The following PKP3 variants were observed in gnomAD, a reference collection of about 807,000 sequenced individuals.
PKP3 encodes the protein plakophilin 3.
A neutral mutation model predicts 76.5 loss-of-function variants in PKP3; 66 were observed. The observed-to-expected ratio is 0.86, with a 90% CI of 0.71 to 1.06. PKP3 has a LOEUF of 1.06. PKP3 is among the 50% of genes least tolerant of loss of function. The pLI is 0.00. For missense variants in PKP3, 1,338 were observed against 1,141.0 expected, an observed-to-expected ratio of 1.17 and a Z score of -2.49; for synonymous variants, 638 against 516.5, an observed-to-expected ratio of 1.24 and a Z score of -3.19.
chr11:400,492 C>A, intron 7 of PKP3, 41 bp downstream of exon 7: 1 of 1,510,854 alleles, frequency 6.6e-7, no homozygotes, highest in Non-Finnish European at 8.9e-7. Context: ...GCCCCCGGGC[C>A]GCCGCTCTGA....
intron 9 of PKP3, among the ~76,000 whole-genome samples, 171 bp from the exon 10 acceptor site, chr11:403,447 G>C (rs1204414002): frequency 6.6e-6 from 1 of 152,152 alleles, no homozygotes; most frequent in Non-Finnish European, 1.5e-5. Context: ...TGGGTTTGAA[G>C]GGAGGCACCT....
chr11:403,940 CA>C lies in PKP3; in HGVS notation c.2078-2del. The C allele has an allele frequency of 6.3e-7, 1 of 1,593,514 alleles. No individual in the cohort carries two copies. The highest frequency in any genetic ancestry group is 8.6e-7 in the Non-Finnish European group (1 of 1,167,984). On this transcript the variant is annotated splice_acceptor_variant, in intron 10 of 12. Transcript: ENST00000331563. LOFTEE classifies it high-confidence loss of function. ...GTGCAGACTGACCCCCGGCCTCCCA[CA>C]GCCACGAAGGTGGTGAGCCACCTGA... is the stretch of plus-strand genomic sequence containing the variant.
rs1361722069 is a variant in PKP3, at chr11:403,080, G to A, written c.1740G>A (p.Leu580=). 2.0e-6 allele frequency: 3 copies of A among 1,486,960 alleles called. No individual in the cohort carries two copies. Among genetic ancestry groups the A allele is most frequent in the East Asian group, 2.7e-5 (1 of 37,542 alleles). The allele number at this position is 1,486,960 out of a possible 1,614,324, so 92.1% of individuals were successfully genotyped here. A position where few individuals can be genotyped will look rare whatever the true frequency, so the allele number is the denominator to read the frequency against. ...CGACTCCTCCCCGCCCTGCGCAGCT[G>A]CCCCTCGCCGCCGATGCGCTCACCT... ...FTPQSRRLRE[L]PLAADALTFA... The change falls in exon 9 of 13, where the codon CTG becomes CTA. Residue 580 remains leucine, a splice_region_variant and synonymous_variant. Coordinates refer to ENST00000331563, the MANE Select transcript of PKP3 (RefSeq NM_007183.4).
In PKP3 at chr11:400,587, A is replaced by ACGAGATGCCG; in HGVS notation, c.1621_1630dup (p.Pro544ArgfsTer147). ...CGGAACCTGTCCTACCGCCTCTACGACGAGATGCCGCCGTCCGCGCTGCAG... is the reference window on the plus strand; with the variant it reads ...CGGAACCTGTCCTACCGCCTCTACGACGAGATGCCGCGAGATGCCGCCGTCCGCGCTGCAG... On this transcript the variant is annotated frameshift_variant, in exon 8 of 13. Coordinates refer to ENST00000331563, the MANE Select transcript of PKP3 (RefSeq NM_007183.4). LOFTEE classifies it high-confidence loss of function. 1.4e-6 allele frequency: 2 copies of ACGAGATGCCG among 1,473,484 alleles called. No homozygotes were observed. Among genetic ancestry groups the ACGAGATGCCG allele is most frequent in the Non-Finnish European group, 1.8e-6 (2 of 1,121,728 alleles). The allele number at this position is 1,473,484 out of a possible 1,614,324, so 91.3% of individuals were successfully genotyped here.
At chr11:397,773 T>C in intron 4 of PKP3, 111 bp downstream of exon 4, 1 of 1,092,934 alleles carries the variant, frequency 9.1e-7, no homozygotes, top group Non-Finnish European at 1.3e-6. Flanking sequence ...CCAAGCTGAC[T>C]GGGTAGACCC....
At chr11:394,014 G>A, upstream of PKP3, 3 of 418,010 alleles carry the variant, frequency 7.2e-6, no homozygotes, top group Non-Finnish European at 1.3e-5. Flanking sequence ...TTGTGGGATG[G>A]GAGAAAAGGA....
At chr11:400,869 ACCCGCCCCGCTCACC>A (rs1847148092) in intron 8 of PKP3, among the ~76,000 whole-genome samples, 164 bp downstream of exon 8, 1 of 8,668 alleles carries the variant, frequency 1.2e-4, no homozygotes. Context: ...CCCCGCTCAC[ACCCGCCCCGCTCACC>A]CCCGCCCCGC....
intron 5 of PKP3, 80 bp from the exon 6 acceptor site, chr11:399,887 C>G (rs935644826): frequency 1.3e-5 from 16 of 1,187,776 alleles, no homozygotes; most frequent in Non-Finnish European, 1.9e-5. Flanking sequence ...TGGGGAGAGG[C>G]GGGACCTCTT....
At position 397,339 on chromosome 11, in the gene PKP3, T is replaced by C. The variant is rs1216667514; in HGVS notation, c.838T>C (p.Ser280Pro). The change falls in exon 3 of 13, where the codon TCT (serine) becomes CCT (proline). Residue 280 changes from serine (S) to proline (P), a missense_variant. By Grantham distance (74) the Ser-to-Pro change is moderately conservative (BLOSUM62 -1). Transcript: ENST00000331563. ...CCTGGAGCCAGTGGCTCGAGCGCCATCTGTGCGCAGCCTCAGCCTCAGCCT... is the reference window on the plus strand; with the variant it reads ...CCTGGAGCCAGTGGCTCGAGCGCCACCTGTGCGCAGCCTCAGCCTCAGCCT... ...AVLEPVARAP[S>P]VRSLSLSLAD... 3 of 1,583,374 alleles carry C rather than the reference T, an allele frequency of 1.9e-6. No individual in the cohort carries two copies. The highest frequency in any genetic ancestry group is 2.6e-6 in the Non-Finnish European group (3 of 1,167,892).
Position 399,952 on chromosome 11 carries a change from T to C in PKP3, c.1274-15T>C, listed in dbSNP as rs1564880562. 1 of 1,583,416 alleles carries C rather than the reference T, an allele frequency of 6.3e-7. No homozygotes were observed. ...TGGAGGGCAGACGCTGATAGCAGCC[T>C]CCCCCGTCCTCCAGGGATCCTGTGG... On this transcript the variant is annotated splice_polypyrimidine_tract_variant and intron_variant, in intron 5 of 12. Coordinates refer to ENST00000331563, the MANE Select transcript of PKP3 (RefSeq NM_007183.4).
Position 404,042 on chromosome 11 carries a change from A to G in PKP3, c.2177A>G (p.Asn726Ser). 6.2e-7 allele frequency: 1 copy of G among 1,612,558 alleles called. No individual in the cohort carries two copies. The highest frequency in any genetic ancestry group is 8.5e-7 in the Non-Finnish European group (1 of 1,179,808). ...CTGGTCAACATCATAGCTGTGCTCA[A>G]CAACCTGGTGGTGGCCAGCCCCATC... Reference protein sequence around the residue: ...EVLVNIIAVLNNLVVASPIAA... With the variant: ...EVLVNIIAVLSNLVVASPIAA... The change falls in exon 11 of 13, where the codon AAC (asparagine) becomes AGC (serine). Residue 726 changes from asparagine to serine, a missense_variant. By Grantham distance (46) the Asn-to-Ser change is conservative. Coordinates refer to ENST00000331563, the MANE Select transcript of PKP3 (RefSeq NM_007183.4). The surrounding 1 kb of genome is among the most constrained non-coding windows in gnomAD (Gnocchi z 4.2).
rs533074372 is a variant in PKP3, at chr11:394,416, C to A, written c.124C>A (p.Arg42=). 2 of 1,469,872 alleles carry A rather than the reference C, an allele frequency of 1.4e-6. No individual in the cohort carries two copies. The highest frequency in any genetic ancestry group is 3.0e-5 in the African/African-American group (2 of 67,542). 91.1% of individuals were successfully genotyped at this position (1,469,872 alleles called of 1,614,324 possible). ...CGAGGGGCCGGAGGCCGAGCGGCTG[C>A]GGGCAGCCCGCGTCCAGGAGCAGGT... ...GAEGPEAERL[R]AARVQEQVRA... Residue 42 remains arginine, a synonymous_variant, in exon 1 of 13, where the codon CGG becomes AGG. Coordinates refer to ENST00000331563, the MANE Select transcript of PKP3 (RefSeq NM_007183.4).
intron 1 of PKP3, among the ~76,000 whole-genome samples, chr11:395,258 A>G (rs1847030195): frequency 6.6e-6 from 1 of 151,836 alleles, no homozygotes; most frequent in South Asian, 2.1e-4. Flanking sequence ...AACAGGGATT[A>G]AGGTTAGACA....
At position 396,795 on chromosome 11, in the gene PKP3, G is replaced by A. The variant is rs373281665; in HGVS notation, c.313-19G>A. 83 of 1,565,786 alleles carry A rather than the reference G, an allele frequency of 5.3e-5. No individual in the cohort carries two copies. The highest frequency in any genetic ancestry group is 5.0e-4 in the African/African-American group (37 of 73,976). On this transcript the variant is annotated intron_variant, in intron 2 of 12. Transcript: ENST00000331563. ...AGGTGAGCCCAGGCACGCCCTCACC[G>A]CCCCCTCTCGACCCACAGGGCTTCC...
chr11:403,265 T>TG lies in PKP3; in HGVS notation c.1923+6dup. On this transcript the variant is annotated splice_region_variant and intron_variant, in intron 9 of 12. Coordinates refer to ENST00000331563, the MANE Select transcript of PKP3 (RefSeq NM_007183.4). ...AACATCACGGCAGGCGACCGCAGGG[T>TG]GGGGCACCCAACCCAGACCCGAGGG... 1 of 1,553,718 alleles carries TG rather than the reference T, an allele frequency of 6.4e-7. No homozygotes were observed. Among genetic ancestry groups the TG allele is most frequent in the African/African-American group, 1.4e-5 (1 of 71,722 alleles).
Position 403,759 on chromosome 11 carries a change from A to C in PKP3, c.2065A>C (p.Lys689Gln). ...AAACCTGTCTCGGAACGCTAGGAAC[A>C]AGGACGAGATGTGTGAGTCGGGCAG... ...IRNLSRNARN[K>Q]DEMSTKVVSH... The change falls in exon 10 of 13, where the codon AAG becomes CAG. Residue 689 changes from lysine (K) to glutamine (Q), a missense_variant. By Grantham distance (53) the Lys-to-Gln change is moderately conservative. Coordinates refer to ENST00000331563, the MANE Select transcript of PKP3 (RefSeq NM_007183.4). The C allele has an allele frequency of 6.2e-7, 1 of 1,607,304 alleles. No individual in the cohort carries two copies. The highest frequency in any genetic ancestry group is 1.7e-5 in the Admixed American group (1 of 60,022).
At chr11:403,315 G>A (rs959603788) in intron 9 of PKP3, 52 bp downstream of exon 9, 1 of 1,356,404 alleles carries the variant, frequency 7.4e-7, no homozygotes, top group Non-Finnish European at 1.0e-6. Context: ...ATGCGGTTGA[G>A]GGGGGGACAG....
At chr11:397,709 G>C (rs200512397) in intron 4 of PKP3, 47 bp downstream of exon 4, 10 of 1,582,796 alleles carry the variant, frequency 6.3e-6, no homozygotes, top group Non-Finnish European at 7.7e-6. Context: ...GACCTCCTTC[G>C]TGGGCCCCAC....
chr11:399,305 C>T (rs1453316331), intron 5 of PKP3, 109 bp downstream of exon 5: 5 of 438,768 alleles, frequency 1.1e-5, no homozygotes, highest in Non-Finnish European at 1.6e-5. Flanking sequence ...CCATCTGCCC[C>T]CCTTCTCCAC....
Sources: allele counts gnomAD v4.1 joint callset (sites outside exome capture counted in the v4.1 genomes callset), GRCh38; gene constraint gnomAD v4.1.1; non-coding constraint Gnocchi (gnomAD v3.1); transcripts MANE v1.5; gene names NCBI Gene and HGNC (gene_info 2026-07-23, HGNC 2026-07-21).